RAB3C: variants seen among roughly 807,000 people sequenced by gnomAD.
RAB3C encodes RAB3C, member RAS oncogene family.
A neutral mutation model predicts 26.4 loss-of-function variants in RAB3C; 17 were observed. The observed-to-expected ratio is 0.64, with a 90% confidence interval of 0.44 to 0.97. The LOEUF is 0.97. Among genes scored for constraint, RAB3C ranks in the 50% least tolerant of loss-of-function variants. The pLI is 0.00. For missense variants in RAB3C, 242 were observed against 281.9 expected, an observed-to-expected ratio of 0.86 and a Z score of 1.01; for synonymous variants, 91 against 95.9, an observed-to-expected ratio of 0.95 and a Z score of 0.30.
At chr5:58,631,916 C>T (rs1338483676) in intron 2 of RAB3C, among the ~76,000 whole-genome samples, 1 of 152,204 alleles carries the variant, frequency 6.6e-6, no homozygotes, top group African/African-American at 2.4e-5. Context: ...TCTGCAAATG[C>T]TGTAGCAAGT....
intron 2 of RAB3C, among the ~76,000 whole-genome samples, chr5:58,693,756 G>C (rs1037601832): frequency 1.8e-4 from 28 of 152,168 alleles, no homozygotes; most frequent in African/African-American, 6.7e-4. Flanking sequence ...CCAGTGACCA[G>C]AACATGCAGG....
At chr5:58,797,370 T>A (rs1422394222) in intron 3 of RAB3C, among the ~76,000 whole-genome samples, 7,201 of 36,936 alleles carry the variant, frequency 0.19, 731 homozygotes, top group African/African-American at 0.29. Context: ...ATATATATAA[T>A]ATATATATAT....
chr5:58,642,857 G>A (rs368710636), intron 2 of RAB3C, among the ~76,000 whole-genome samples: 105 of 152,310 alleles, frequency 6.9e-4, no homozygotes, highest in African/African-American at 2.5e-3. Context: ...TGTAAAGTAA[G>A]GCAGGAAACC....
At chr5:58,756,118 A>C (rs1741650689) in intron 3 of RAB3C, among the ~76,000 whole-genome samples, 1 of 151,366 alleles carries the variant, frequency 6.6e-6, no homozygotes, top group Admixed American at 6.6e-5. Context: ...CATTTCACAC[A>C]ATTGGCTTTT....
intron 3 of RAB3C, among the ~76,000 whole-genome samples, chr5:58,817,553 G>A (rs1042383036): frequency 2.6e-5 from 4 of 151,892 alleles, no homozygotes; most frequent in African/African-American, 9.7e-5. Flanking sequence ...TTTTGTATAT[G>A]TCTTTGTAAA....
At chr5:58,712,322 G>A (rs1057182078) in intron 2 of RAB3C, among the ~76,000 whole-genome samples, 5 of 151,996 alleles carry the variant, frequency 3.3e-5, no homozygotes, top group Non-Finnish European at 4.4e-5. Flanking sequence ...CCCACACAAT[G>A]CTAGGTATAT....
At chr5:58,583,546 C>A (rs956003848) in intron 1 of RAB3C, among the ~76,000 whole-genome samples, 2 of 152,156 alleles carry the variant, frequency 1.3e-5, no homozygotes, top group Non-Finnish European at 2.9e-5. Flanking sequence ...TGGCATTGAT[C>A]TCCTCTCTTG....
At chr5:58,717,293 T>C (rs1490127261) in intron 2 of RAB3C, among the ~76,000 whole-genome samples, 2 of 152,124 alleles carry the variant, frequency 1.3e-5, no homozygotes, top group African/African-American at 2.4e-5. Flanking sequence ...GATCCTCCCT[T>C]TCTGTCCCTT....
At chr5:58,678,443 C>T (rs1297431679) in intron 2 of RAB3C, among the ~76,000 whole-genome samples, 1 of 151,986 alleles carries the variant, frequency 6.6e-6, no homozygotes, top group African/African-American at 2.4e-5. Context: ...TGGTTAGTGT[C>T]AAGTGAAGCT....
chr5:58,752,038 T>C (rs2111963259), intron 3 of RAB3C, among the ~76,000 whole-genome samples: 1 of 151,374 alleles, frequency 6.6e-6, no homozygotes, highest in South Asian at 2.1e-4. Context: ...TTGCCTAAAC[T>C]GTTAACAAAA....
intron 2 of RAB3C, among the ~76,000 whole-genome samples, chr5:58,664,519 G>A (rs1201407707): frequency 6.6e-6 from 1 of 152,062 alleles, no homozygotes. Context: ...GGCAACATGA[G>A]TAATCAACAT....
At chr5:58,711,294 G>A (rs1332875315) in intron 2 of RAB3C, among the ~76,000 whole-genome samples, 1 of 152,138 alleles carries the variant, frequency 6.6e-6, no homozygotes, top group Non-Finnish European at 1.5e-5. Context: ...ACTGGGATCT[G>A]ACAGGCTCGC....
intron 1 of RAB3C, among the ~76,000 whole-genome samples, chr5:58,594,570 T>G (rs1307447670): frequency 1.3e-5 from 2 of 152,146 alleles, no homozygotes; most frequent in East Asian, 3.9e-4. Flanking sequence ...ACATGTAGAT[T>G]ATGAATACAC....
At chr5:58,731,711 G>A (rs925488941) in intron 3 of RAB3C, among the ~76,000 whole-genome samples, 3 of 152,152 alleles carry the variant, frequency 2.0e-5, no homozygotes, top group South Asian at 4.1e-4. Flanking sequence ...TGCATCTCAG[G>A]ACAGACTATC....
rs544929800 is a variant in RAB3C at position 58,721,571 on chromosome 5, G to A, written c.253-4431G>A. ...CATTATAAAATGTTTTTTTCTTTCAGATATAACCTTCTTCCATCATTAGTA... is the reference window on the plus strand; with the variant it reads ...CATTATAAAATGTTTTTTTCTTTCAAATATAACCTTCTTCCATCATTAGTA... On this transcript the variant is annotated intron_variant, in intron 2 of 4. Transcript: ENST00000282878. Among the ~76,000 whole-genome samples the A allele has an allele frequency of 3.3e-3, 501 of 151,828 alleles. 8 individuals carry two copies. The highest frequency in any genetic ancestry group is 0.012 in the African/African-American group (478 of 41,454).
chr5:58,641,347 G>GT (rs1374287636), intron 2 of RAB3C, among the ~76,000 whole-genome samples: 2 of 152,226 alleles, frequency 1.3e-5, no homozygotes, highest in South Asian at 2.1e-4. Flanking sequence ...AAACAAGAGA[G>GT]TGCACAGAAG....
intron 3 of RAB3C, among the ~76,000 whole-genome samples, chr5:58,740,369 G>C (rs1252961773): frequency 6.6e-6 from 1 of 152,080 alleles, no homozygotes; most frequent in Non-Finnish European, 1.5e-5. Flanking sequence ...CCAGCCTCTG[G>C]GCTCTTACGT....
chr5:58,756,229 A>C (rs1038702491), intron 3 of RAB3C, among the ~76,000 whole-genome samples: 2 of 149,952 alleles, frequency 1.3e-5, no homozygotes, highest in Admixed American at 1.3e-4. Context: ...TAATAAATTG[A>C]AGGTGTCACA....
chr5:58,797,263 G>T (rs1211736744), intron 3 of RAB3C, among the ~76,000 whole-genome samples: 2 of 149,318 alleles, frequency 1.3e-5, no homozygotes, highest in African/African-American at 2.5e-5. Context: ...GAGAGTTAAT[G>T]TGCTTCCCTA....
Sources: gnomAD v4.1 joint callset for allele counts (sites outside exome capture counted in the v4.1 genomes callset) on GRCh38, gnomAD v4.1.1 for gene constraint, MANE v1.5 for transcripts, NCBI Gene and HGNC (gene_info 2026-07-23, HGNC 2026-07-21) for gene names.